Variants in UBE2E2 observed in about 807,000 individuals in gnomAD.
The protein encoded by UBE2E2 is ubiquitin-conjugating enzyme E2 E2.
Under a neutral mutation model 24.7 loss-of-function variants are expected in UBE2E2, and 6 were observed. The ratio of observed to expected loss-of-function variants is 0.24; its 90% confidence interval spans 0.13 to 0.48. The LOEUF is 0.48. Ranked by LOEUF, UBE2E2 falls within the 20% of genes least tolerant of loss-of-function variation. The pLI, the probability that UBE2E2 is intolerant of heterozygous loss-of-function variation, is 0.99. For synonymous variants in UBE2E2, 104 were observed against 83.6 expected, an observed-to-expected ratio of 1.24 and a Z score of -1.33; for missense variants, 169 against 245.0, an observed-to-expected ratio of 0.69 and a Z score of 2.07.
intron 3 of UBE2E2, among the ~76,000 whole-genome samples, chr3:23,283,146 A>T (rs921087833): frequency 6.6e-6 from 1 of 152,124 alleles, no homozygotes; most frequent in Admixed American, 6.6e-5. Flanking sequence ...ACCTTCCTGC[A>T]CTTGCTCCTG....
At chr3:23,312,463 A>G (rs1001961450) in intron 3 of UBE2E2, among the ~76,000 whole-genome samples, 1 of 151,944 alleles carries the variant, frequency 6.6e-6, no homozygotes, top group Non-Finnish European at 1.5e-5. Flanking sequence ...CTGATGTGCT[A>G]TCAAATACTG....
intron 3 of UBE2E2, among the ~76,000 whole-genome samples, chr3:23,336,769 T>A (rs1349708769): frequency 1.3e-5 from 2 of 152,214 alleles, no homozygotes; most frequent in Non-Finnish European, 2.9e-5. Context: ...TTTTGGCTTT[T>A]ATTATTACTG....
At chr3:23,303,005 T>C (rs1465780004) in intron 3 of UBE2E2, among the ~76,000 whole-genome samples, 1 of 152,180 alleles carries the variant, frequency 6.6e-6, no homozygotes, top group African/African-American at 2.4e-5. Flanking sequence ...GGTGAGCCAG[T>C]GAAGCTTCAT....
chr3:23,417,439 C>T (rs1305278301), intron 3 of UBE2E2, among the ~76,000 whole-genome samples: 1 of 152,190 alleles, frequency 6.6e-6, no homozygotes, highest in Admixed American at 6.5e-5. Context: ...CCCAGAGGGG[C>T]ACCTGCCAGA....
At position 23,208,975 on chromosome 3, in the gene UBE2E2, G is replaced by A. The variant is rs758463991; in HGVS notation, c.176+100G>A. ...AATCATTTTTTCTGGGATGTCGGCC[G>A]TGAACTTCATGGATTTTTCTTTTCC... On this transcript the variant is annotated intron_variant, in intron 2 of 5. Transcript: ENST00000396703. 2.5e-5 allele frequency: 31 copies of A among 1,249,318 alleles called. 1 individual carries two copies. Among genetic ancestry groups the A allele is most frequent in the East Asian group, 2.1e-4 (8 of 37,770 alleles). The allele number at this position is 1,249,318 out of a possible 1,614,324, so 77.4% of individuals were successfully genotyped here.
intron 2 of UBE2E2, among the ~76,000 whole-genome samples, chr3:23,216,285 T>C (rs1340753660): frequency 2.0e-5 from 3 of 152,180 alleles, no homozygotes; most frequent in African/African-American, 4.8e-5. Flanking sequence ...AGGGATCCCA[T>C]TTATTCTAGT....
chr3:23,480,838 A>G (rs1393363525), intron 3 of UBE2E2, among the ~76,000 whole-genome samples: 15 of 152,192 alleles, frequency 9.9e-5, no homozygotes, highest in Non-Finnish European at 1.5e-5. Context: ...TAAAAATGAA[A>G]CTAAGCATTA....
chr3:23,409,456 G>A (rs928456031), intron 3 of UBE2E2, among the ~76,000 whole-genome samples: 2 of 152,136 alleles, frequency 1.3e-5, no homozygotes. Flanking sequence ...TGATTATCAT[G>A]CTCTTACTGA....
rs1426670401 is a variant in UBE2E2 at position 23,583,641 on chromosome 3, C to T, written c.509-6093C>T. Among the ~76,000 whole-genome samples the T allele has an allele frequency of 6.6e-6, 1 of 151,976 alleles. No homozygotes were observed. The highest frequency in any genetic ancestry group is 1.5e-5 in the Non-Finnish European group (1 of 67,952). On this transcript the variant is annotated intron_variant, in intron 5 of 5. Coordinates refer to ENST00000396703, the MANE Select transcript of UBE2E2 (RefSeq NM_152653.4). The surrounding 1 kb of genome is among the most constrained non-coding windows in gnomAD (Gnocchi z 4.1). Reference sequence around the variant, plus strand: ...AATTCTCATTGTAAAGATCTTTCACCTCCCTGGTTAGCTGTATTTTATTTT... The same window carrying T: ...AATTCTCATTGTAAAGATCTTTCACTTCCCTGGTTAGCTGTATTTTATTTT...
chr3:23,423,878 G>T (rs1575619858), intron 3 of UBE2E2, among the ~76,000 whole-genome samples: 1 of 152,118 alleles, frequency 6.6e-6, no homozygotes, highest in African/African-American at 2.4e-5. Context: ...CTTAGCAGTG[G>T]AGTACTGAAA....
At chr3:23,370,354 T>A (rs1696371462) in intron 3 of UBE2E2, among the ~76,000 whole-genome samples, 1 of 152,238 alleles carries the variant, frequency 6.6e-6, no homozygotes, top group Non-Finnish European at 1.5e-5. Context: ...GGCTAGCATC[T>A]TAGAGTCAAA....
chr3:23,403,685 G>A (rs188331663), intron 3 of UBE2E2, among the ~76,000 whole-genome samples: 1 of 152,144 alleles, frequency 6.6e-6, no homozygotes, highest in Admixed American at 6.6e-5. Context: ...TTAGCTGGAT[G>A]TGGTGGTGCA....
chr3:23,285,794 A>G lies in UBE2E2; in HGVS notation c.227+68482A>G, dbSNP rs148540451. On this transcript the variant is annotated intron_variant, in intron 3 of 5. Transcript: ENST00000396703. Reference sequence around the variant, plus strand: ...CTGCAACCTCTGCCTTTTGGGTTCAAGCGATTCTGTTTCTCAGCCACTCGA... The same window carrying G: ...CTGCAACCTCTGCCTTTTGGGTTCAGGCGATTCTGTTTCTCAGCCACTCGA... Among the ~76,000 whole-genome samples, 394 of 152,208 alleles carry G rather than the reference A, an allele frequency of 2.6e-3. 1 individual carries two copies. The highest frequency in any genetic ancestry group is 4.5e-3 in the Non-Finnish European group (305 of 68,010).
chr3:23,244,527 G>T (rs1046628116), intron 3 of UBE2E2, among the ~76,000 whole-genome samples: 1 of 152,136 alleles, frequency 6.6e-6, no homozygotes, highest in Non-Finnish European at 1.5e-5. Flanking sequence ...ACTATACAAG[G>T]TTTGTTTATT....
At chr3:23,297,277 G>A (rs1321952652) in intron 3 of UBE2E2, among the ~76,000 whole-genome samples, 2 of 151,698 alleles carry the variant, frequency 1.3e-5, no homozygotes, top group Non-Finnish European at 2.9e-5. Context: ...CACTCTGATG[G>A]TAGTTTCTTT....
chr3:23,515,836 G>A lies in UBE2E2; in HGVS notation c.360+16096G>A, dbSNP rs910715006. On this transcript the variant is annotated intron_variant, in intron 4 of 5. Coordinates refer to ENST00000396703, the MANE Select transcript of UBE2E2 (RefSeq NM_152653.4). ...AAAGAAAAGAAAAAACGAGCCAGGCGTGGTAGCTCACACCTGTAGTCTCAG... is the reference window on the plus strand; with the variant it reads ...AAAGAAAAGAAAAAACGAGCCAGGCATGGTAGCTCACACCTGTAGTCTCAG... Among the ~76,000 whole-genome samples the A allele has an allele frequency of 9.2e-5, 14 of 151,770 alleles. 2 individuals are homozygous for A. The highest frequency in any genetic ancestry group is 1.3e-4 in the Admixed American group (2 of 15,200).
chr3:23,550,496 G>A (rs575334583), intron 5 of UBE2E2, among the ~76,000 whole-genome samples: 66 of 152,262 alleles, frequency 4.3e-4, no homozygotes, highest in African/African-American at 1.5e-3. Flanking sequence ...AACTCCTAGA[G>A]GTCAAAGACT....
chr3:23,255,202 G>C (rs544806433), intron 3 of UBE2E2, among the ~76,000 whole-genome samples: 12 of 144,978 alleles, frequency 8.3e-5, no homozygotes, highest in Non-Finnish European at 1.5e-4. Context: ...TCCCACATCA[G>C]CCTCCTAGGT....
At chr3:23,529,755 G>T (rs1393723507) in intron 4 of UBE2E2, among the ~76,000 whole-genome samples, 2 of 152,152 alleles carry the variant, frequency 1.3e-5, no homozygotes, top group East Asian at 3.8e-4. Context: ...TAGGCACTCT[G>T]CCTTCTCCAG....
Sources: gnomAD v4.1 joint callset for allele counts (sites outside exome capture counted in the v4.1 genomes callset) on GRCh38, gnomAD v4.1.1 for gene constraint, Gnocchi (gnomAD v3.1) non-coding constraint, MANE v1.5 for transcripts, NCBI Gene and HGNC (gene_info 2026-07-23, HGNC 2026-07-21) for gene names.